The following ASCC3 variants were observed in gnomAD, a reference collection of about 807,000 sequenced individuals.
ASCC3 encodes activating signal cointegrator 1 complex subunit 3, also known as ASC-1 complex subunit P200.
Under a neutral mutation model 256.3 loss-of-function variants are expected in ASCC3, and 158 were observed. The observed-to-expected ratio is 0.62, with a 90% CI of 0.54 to 0.70. The LOEUF (loss-of-function observed/expected upper bound fraction) is 0.70. ASCC3 is among the 30% of genes least tolerant of loss of function. The probability of loss-of-function intolerance (pLI) is 0.00; values close to 1 mark genes in which losing one functional copy is unlikely to be tolerated. For missense variants in ASCC3, 2,259 were observed against 2,626.0 expected (o/e 0.86, Z 3.05); for synonymous variants, 948 against 883.4 (o/e 1.07, Z -1.30).
chr6:100,516,116 G>C (rs1774013142), intron 39 of ASCC3, 64 bp downstream of exon 39: 1 of 1,606,438 alleles, frequency 6.2e-7, no homozygotes, highest in African/African-American at 1.3e-5. Context: ...CTCTAAGTTA[G>C]AAAACTCTTG....
At chr6:100,817,765 A>G (rs923566589) in intron 4 of ASCC3, among the ~76,000 whole-genome samples, 1 of 152,110 alleles carries the variant, frequency 6.6e-6, no homozygotes, top group Non-Finnish European at 1.5e-5. Context: ...CAAGTAAAAG[A>G]TTGAATTAGT....
intron 36 of ASCC3, among the ~76,000 whole-genome samples, chr6:100,541,740 G>A (rs757876005): frequency 6.6e-6 from 1 of 152,102 alleles, no homozygotes; most frequent in African/African-American, 2.4e-5. Context: ...CAAAAAAACA[G>A]GAAAAGAGGA....
chr6:100,694,608 A>C (rs1666376003), intron 13 of ASCC3, among the ~76,000 whole-genome samples: 1 of 152,212 alleles, frequency 6.6e-6, no homozygotes, highest in Non-Finnish European at 1.5e-5. Context: ...TGGAAAGTAC[A>C]AAATTAGATC....
intron 36 of ASCC3, among the ~76,000 whole-genome samples, chr6:100,541,147 A>AT (rs769236188): frequency 2.6e-5 from 4 of 152,060 alleles, no homozygotes; most frequent in Non-Finnish European, 4.4e-5. Flanking sequence ...CAAACATCAT[A>AT]TTTTTCCAAA....
Position 100,608,084 on chromosome 6 carries a change from A to ATATT in ASCC3, c.4786-997_4786-996insAATA, listed in dbSNP as rs1416119281. On this transcript the variant is annotated intron_variant, in intron 30 of 41. Transcript: ENST00000369162. ...CACATATATATACATATATATGTAT[A>ATATT]TATATCTATATACACATATATATGT... is the stretch of plus-strand genomic sequence containing the variant. 7.5e-3 allele frequency among the ~76,000 whole-genome samples: 975 copies of ATATT among 129,498 alleles called. 23 individuals are homozygous for ATATT. Among genetic ancestry groups the ATATT allele is most frequent in the East Asian group, 0.027 (121 of 4,562 alleles). The allele number at this position is 129,498 out of a possible 152,430, so 85.0% of individuals were successfully genotyped here.
intron 22 of ASCC3, among the ~76,000 whole-genome samples, chr6:100,646,377 T>C (rs1775380220): frequency 6.6e-6 from 1 of 152,110 alleles, no homozygotes; most frequent in Admixed American, 6.6e-5. Context: ...TGGCACAGTC[T>C]TGGCTCACTG....
At chr6:100,795,789 A>G (rs1040379743) in intron 8 of ASCC3, among the ~76,000 whole-genome samples, 1 of 152,176 alleles carries the variant, frequency 6.6e-6, no homozygotes, top group Non-Finnish European at 1.5e-5. Flanking sequence ...ATAGCATGCA[A>G]TTATGATCTC....
At chr6:100,719,557 T>C (rs940745363) in intron 11 of ASCC3, among the ~76,000 whole-genome samples, 35 of 152,086 alleles carry the variant, frequency 2.3e-4, no homozygotes, top group Non-Finnish European at 1.5e-5. Flanking sequence ...AAATCCACTT[T>C]AAAACAACAT....
intron 8 of ASCC3, among the ~76,000 whole-genome samples, chr6:100,767,603 T>C (rs568029677): frequency 9.0e-5 from 1 of 11,144 alleles, no homozygotes; most frequent in South Asian, 0.026. Context: ...TAGAACACTT[T>C]TTGGTTTTTT....
rs112581484 is a variant in ASCC3 at position 100,793,996 on chromosome 6, C to T, written c.1395+4717G>A. Among the ~76,000 whole-genome samples the T allele has an allele frequency of 3.3e-5, 5 of 152,176 alleles. 1 individual carries two copies. Among genetic ancestry groups the T allele is most frequent in the African/African-American group, 1.2e-4 (5 of 41,552 alleles). ...TCATTCTAAATTCTTCTCTCTGCCT[C>T]ATCCCCTCCTATTTAATCAGTCATC... is the stretch of plus-strand genomic sequence containing the variant. On this transcript the variant is annotated intron_variant, in intron 8 of 41. Transcript: ENST00000369162.
intron 13 of ASCC3, among the ~76,000 whole-genome samples, 172 bp from the exon 14 acceptor site, chr6:100,679,924 A>G (rs117100487): frequency 0.015 from 2,344 of 152,328 alleles, 24 homozygotes; most frequent in East Asian, 0.045. Flanking sequence ...TAGGAAAAAG[A>G]CAAGTTAAAT....
chr6:100,772,032 A>C (rs1781961898), intron 8 of ASCC3, among the ~76,000 whole-genome samples: 1 of 151,962 alleles, frequency 6.6e-6, no homozygotes, highest in Non-Finnish European at 1.5e-5. Flanking sequence ...GGCGCCAGCC[A>C]CCAGGCATGG....
rs188734976 is a variant in ASCC3 at position 100,607,733 on chromosome 6, A to C, written c.4786-645T>G. Among the ~76,000 whole-genome samples, 371 of 151,828 alleles carry C rather than the reference A, an allele frequency of 2.4e-3. 2 individuals carry two copies. Among genetic ancestry groups the C allele is most frequent in the African/African-American group, 8.5e-3 (352 of 41,482 alleles). On this transcript the variant is annotated intron_variant, in intron 30 of 41. Coordinates refer to ENST00000369162, the MANE Select transcript of ASCC3 (RefSeq NM_006828.4). The stretch of plus-strand genomic sequence containing the variant: ...ATAAAAGGATACATATACCTATTCA[A>C]AAATTGTTTTCCAGAGAGGCACACA...
At chr6:100,587,090 C>G (rs1362924324) in intron 36 of ASCC3, among the ~76,000 whole-genome samples, 1 of 151,996 alleles carries the variant, frequency 6.6e-6, no homozygotes, top group African/African-American at 2.4e-5. Flanking sequence ...ATAACAAAAG[C>G]AATGATAATG....
At chr6:100,695,845 C>T (rs904267412) in intron 13 of ASCC3, among the ~76,000 whole-genome samples, 4 of 152,164 alleles carry the variant, frequency 2.6e-5, no homozygotes, top group Non-Finnish European at 4.4e-5. Context: ...AGCTGGCTCT[C>T]GCCATGTAGA....
intron 36 of ASCC3, among the ~76,000 whole-genome samples, chr6:100,546,589 T>G (rs1027913488): frequency 2.0e-5 from 3 of 152,284 alleles, no homozygotes; most frequent in African/African-American, 7.2e-5. Flanking sequence ...TGCAATCTAC[T>G]GTATGATAGA....
At chr6:100,739,307 A>G (rs1780320662) in intron 10 of ASCC3, among the ~76,000 whole-genome samples, 1 of 152,188 alleles carries the variant, frequency 6.6e-6, no homozygotes, top group Admixed American at 6.5e-5. Flanking sequence ...ATCATAATCA[A>G]TAAGCTTTTT....
intron 10 of ASCC3, among the ~76,000 whole-genome samples, chr6:100,728,786 C>A (rs890843796): frequency 6.6e-6 from 1 of 152,226 alleles, no homozygotes. Flanking sequence ...CAAGGAGTCT[C>A]TTCCCAAAAA....
At chr6:100,868,814 A>G (rs919157934) in intron 1 of ASCC3, among the ~76,000 whole-genome samples, 2 of 152,232 alleles carry the variant, frequency 1.3e-5, no homozygotes, top group Non-Finnish European at 2.9e-5. Context: ...AAAAGAAAAC[A>G]GCTGATGAGG....
Sources: gnomAD v4.1 joint callset for allele counts (sites outside exome capture counted in the v4.1 genomes callset) on GRCh38, gnomAD v4.1.1 for gene constraint, MANE v1.5 for transcripts, NCBI Gene and HGNC (gene_info 2026-07-23, HGNC 2026-07-21) for gene names.